Variants in THNSL1 observed in about 807,000 individuals in gnomAD.
THNSL1 encodes the protein threonine synthase like 1.
THNSL1 carries 48 observed loss-of-function variants against 50.4 expected under a neutral mutation model. The observed-to-expected ratio is 0.95, with a 90% confidence interval of 0.76 to 1.21. THNSL1 has a LOEUF of 1.21. Ranked by LOEUF, THNSL1 falls within the 50% of genes most tolerant of loss-of-function variation. The pLI, the probability that THNSL1 is intolerant of heterozygous loss-of-function variation, is 0.00. For synonymous variants in THNSL1, 309 were observed against 306.1 expected, an observed-to-expected ratio of 1.01 and a Z score of -0.10; for missense variants, 896 against 871.7, an observed-to-expected ratio of 1.03 and a Z score of -0.35.
chr10:24,984,449 T>C, the THNSL1 span: 1 of 1,478,090 alleles, frequency 6.8e-7, no homozygotes, highest in Non-Finnish European at 9.1e-7. Flanking sequence ...AATTAATGTT[T>C]ATGTGAAACA....
the THNSL1 span, among the ~76,000 whole-genome samples, chr10:24,974,294 C>T: frequency 0.01 from 1,557 of 151,460 alleles, 28 homozygotes; most frequent in African/African-American, 0.034. Flanking sequence ...AAAAATCTAA[C>T]AATTTCTATA....
chr10:24,967,995 ATGTGTGTGTG>A, the THNSL1 span, among the ~76,000 whole-genome samples: 22 of 139,676 alleles, frequency 1.6e-4, no homozygotes, highest in African/African-American at 3.9e-4. Context: ...TATGTGTATG[ATGTGTGTGTG>A]TGTGTGTGTG....
At chr10:25,002,377 T>C in the THNSL1 span, among the ~76,000 whole-genome samples, 1 of 152,224 alleles carries the variant, frequency 6.6e-6, no homozygotes, top group Non-Finnish European at 1.5e-5. Flanking sequence ...TTCTAGCAGC[T>C]TTGGCCTTTG....
the THNSL1 span, among the ~76,000 whole-genome samples, chr10:24,992,537 G>A: frequency 2.0e-5 from 3 of 152,164 alleles, no homozygotes; most frequent in Admixed American, 1.3e-4. Flanking sequence ...GCCACTTCTC[G>A]ATAGGAGTCT....
chr10:24,993,663 AT>A, the THNSL1 span, among the ~76,000 whole-genome samples: 3 of 152,244 alleles, frequency 2.0e-5, no homozygotes, highest in East Asian at 3.8e-4. Flanking sequence ...GGAAAAGTAA[AT>A]TGAGTAAGTC....
At chr10:24,968,960 C>T in the THNSL1 span, among the ~76,000 whole-genome samples, 3 of 152,180 alleles carry the variant, frequency 2.0e-5, no homozygotes, top group Non-Finnish European at 4.4e-5. Flanking sequence ...CTGGTGTGAC[C>T]TCTGCTCACT....
rs1365320665 is a variant in THNSL1 at position 25,024,936 on chromosome 10, C to T, written c.1713C>T (p.Asn571=). The change falls in exon 3 of 3, where the codon AAC becomes AAT. Residue 571 remains asparagine (N), a synonymous_variant. Transcript: ENST00000376356. ...SPSIDILKSS[N]LERHLHLMAN... is the part of the protein sequence containing the mutation. ...CAATAGATATTCTCAAATCTTCAAA[C>T]CTAGAACGACATTTACACTTGATGG... The T allele has an allele frequency of 6.2e-7, 1 of 1,613,928 alleles. No individual in the cohort carries two copies. Among genetic ancestry groups the T allele is most frequent in the Admixed American group, 1.7e-5 (1 of 60,018 alleles).
chr10:25,009,719 G>C, the THNSL1 span, among the ~76,000 whole-genome samples: 127 of 152,206 alleles, frequency 8.3e-4, 1 homozygote, highest in African/African-American at 3.0e-3. Flanking sequence ...AGTGAATCAT[G>C]GGGGTAGGTC....
chr10:24,980,203 T>C, the THNSL1 span, among the ~76,000 whole-genome samples: 1 of 152,156 alleles, frequency 6.6e-6, no homozygotes, highest in Non-Finnish European at 1.5e-5. Flanking sequence ...TTCCTCCTCA[T>C]CTTCAGCTTG....
the THNSL1 span, among the ~76,000 whole-genome samples, chr10:24,959,539 G>A: frequency 2.6e-5 from 4 of 152,284 alleles, no homozygotes; most frequent in African/African-American, 9.6e-5. Flanking sequence ...TGATTCATTA[G>A]GTTTGAGAAA....
intron 1 of THNSL1, among the ~76,000 whole-genome samples, chr10:25,019,470 T>C (rs1850675665): frequency 1.3e-5 from 2 of 152,146 alleles, no homozygotes; most frequent in South Asian, 4.1e-4. Context: ...TGGGAGCCTG[T>C]CTGAAAAACA....
rs1850811613 is a variant in THNSL1, at chr10:25,024,814, A to ATCTGTGCCTCTAATCAGAACCATGTT, written c.1593_1618dup (p.Leu540SerfsTer10). On this transcript the variant is annotated frameshift_variant, in exon 3 of 3. Transcript: ENST00000376356. LOFTEE classifies it high-confidence loss of function. ...GATGGGAATCCCGATTCGAAAATTT[A>ATCTGTGCCTCTAATCAGAACCATGTT]TCTGTGCCTCTAATCAGAACCATGT... 9 of 1,614,082 alleles carry ATCTGTGCCTCTAATCAGAACCATGTT rather than the reference A, an allele frequency of 5.6e-6. No individual in the cohort carries two copies. The highest frequency in any genetic ancestry group is 6.8e-6 in the Non-Finnish European group (8 of 1,180,032).
At chr10:25,000,747 G>T in the THNSL1 span, among the ~76,000 whole-genome samples, 3 of 152,088 alleles carry the variant, frequency 2.0e-5, no homozygotes, top group Non-Finnish European at 4.4e-5. Flanking sequence ...CTTTTGTTTG[G>T]TATGTTTATA....
chr10:24,991,411 A>G, the THNSL1 span, among the ~76,000 whole-genome samples: 2 of 152,052 alleles, frequency 1.3e-5, no homozygotes, highest in African/African-American at 2.4e-5. Context: ...AAACCCCCCG[A>G]GACCCTAGCA....
upstream of THNSL1, among the ~76,000 whole-genome samples, chr10:25,012,105 G>C (rs1391708638): frequency 6.6e-6 from 1 of 152,218 alleles, no homozygotes; most frequent in Non-Finnish European, 1.5e-5. Flanking sequence ...CCCAAGCCTT[G>C]GTGGCTTCCA....
At chr10:24,989,580 C>T in the THNSL1 span, among the ~76,000 whole-genome samples, 1 of 152,128 alleles carries the variant, frequency 6.6e-6, no homozygotes, top group African/African-American at 2.4e-5. Context: ...CACAATACTC[C>T]ACTGCAGATA....
the THNSL1 span, among the ~76,000 whole-genome samples, chr10:24,955,548 A>T: frequency 6.6e-6 from 1 of 152,208 alleles, no homozygotes; most frequent in Non-Finnish European, 1.5e-5. Context: ...TCTTTGCAAA[A>T]TGCTATAAAA....
In THNSL1 at chr10:25,023,246, A is replaced by G. The variant is rs200286569; in HGVS notation, c.23A>G (p.His8Arg). Residue 8 changes from histidine to arginine, a missense_variant, in exon 3 of 3, where the codon CAT becomes CGT. Physicochemically the swap from His to Arg is conservative, Grantham distance 29 (BLOSUM62 0). Transcript: ENST00000376356. Reference protein sequence around the residue: MLHFNRCHHLKKITQKCF... With the variant: MLHFNRCRHLKKITQKCF... ...AGAATGCTCCACTTTAACCGATGTC[A>G]TCATCTGAAAAAGATAACACAGAAA... 1.1e-4 allele frequency: 184 copies of G among 1,612,542 alleles called. No homozygotes were observed. The highest frequency in any genetic ancestry group is 1.5e-4 in the Non-Finnish European group (177 of 1,179,064).
chr10:24,970,803 C>A, the THNSL1 span, among the ~76,000 whole-genome samples: 1 of 152,052 alleles, frequency 6.6e-6, no homozygotes, highest in Non-Finnish European at 1.5e-5. Flanking sequence ...GCAGGAGGAT[C>A]CCCTGAGGTC....
Sources: gnomAD v4.1 joint callset for allele counts (sites outside exome capture counted in the v4.1 genomes callset) on GRCh38, gnomAD v4.1.1 for gene constraint, MANE v1.5 for transcripts, NCBI Gene and HGNC (gene_info 2026-07-23, HGNC 2026-07-21) for gene names.